CNGB1: variants seen among roughly 807,000 people sequenced by gnomAD.
The protein encoded by CNGB1 is cyclic nucleotide gated channel subunit beta 1, also known as cyclic nucleotide-gated channel beta-1.
Under a neutral mutation model 151.7 loss-of-function variants are expected in CNGB1, and 126 were observed. The ratio of observed to expected loss-of-function variants is 0.83; its 90% CI spans 0.72 to 0.96. The LOEUF (loss-of-function observed/expected upper bound fraction) is 0.96, where lower values mean the gene tolerates loss of function less well. Among genes scored for constraint, CNGB1 ranks in the 40% least tolerant of loss-of-function variants. The probability of loss-of-function intolerance (pLI) is 0.00; values close to 1 mark genes in which losing one functional copy is unlikely to be tolerated. For synonymous variants in CNGB1, 623 were observed against 635.1 expected, an observed-to-expected ratio of 0.98 and a Z score of 0.29; for missense variants, 1,698 against 1,627.0, an observed-to-expected ratio of 1.04 and a Z score of -0.75.
chr16:57,919,179 T>C lies in CNGB1; in HGVS notation c.1877A>G (p.Tyr626Cys). ...GAACTTGCAGCAGAGCATGTCGCAA[T>C]AGTGCTCCTCTTCCACTGGCTCGGC... ...AEAEPVEEEH[Y>C]CDMLCCKFKH... The change falls in exon 20 of 33, where the codon TAT becomes TGT. Residue 626 changes from tyrosine (Y) to cysteine (C), a missense_variant. Coordinates refer to ENST00000251102, the MANE Select transcript of CNGB1 (RefSeq NM_001297.5). The C allele has an allele frequency of 6.2e-7, 1 of 1,614,204 alleles. No homozygotes were observed. The highest frequency in any genetic ancestry group is 8.5e-7 in the Non-Finnish European group (1 of 1,180,026).
At chr16:57,940,123 G>A (rs773542574) in intron 15 of CNGB1, 111 bp downstream of exon 15, 15 of 1,038,682 alleles carry the variant, frequency 1.4e-5, no homozygotes, top group Middle Eastern at 2.0e-4. Flanking sequence ...TCTGTCCTGC[G>A]GGCATCTTAC....
intron 31 of CNGB1, among the ~76,000 whole-genome samples, chr16:57,893,965 T>C (rs1388359454): frequency 6.6e-6 from 1 of 152,164 alleles, no homozygotes; most frequent in Admixed American, 6.5e-5. Flanking sequence ...CCAGACCTAT[T>C]GTGGGGTTCC....
chr16:57,898,904 A>C (rs1406050737), intron 29 of CNGB1, among the ~76,000 whole-genome samples: 1 of 152,196 alleles, frequency 6.6e-6, no homozygotes, highest in Non-Finnish European at 1.5e-5. Context: ...TCAGAATGTG[A>C]CCTTATTTGG....
intron 22 of CNGB1, 144 bp from the exon 23 acceptor site, chr16:57,915,479 T>A (rs1459341228): frequency 1.4e-6 from 1 of 705,584 alleles, no homozygotes; most frequent in Admixed American, 2.3e-5. Flanking sequence ...GGGCAGAAGG[T>A]GTCCCACCGA....
In CNGB1 at chr16:57,922,811, A is replaced by G. The variant is rs536736923; in HGVS notation, c.1643+462T>C. On this transcript the variant is annotated intron_variant, in intron 18 of 32. Coordinates refer to ENST00000251102, the MANE Select transcript of CNGB1 (RefSeq NM_001297.5). ...GGAGTTTGGAAAATGTGAACTCCCC[A>G]GGCCTACTGTCTGCAGCTCTGATCC... 1.9e-3 allele frequency among the ~76,000 whole-genome samples: 290 copies of G among 151,948 alleles called. 2 individuals carry two copies. The highest frequency in any genetic ancestry group is 6.9e-3 in the African/African-American group (284 of 41,440).
At position 57,902,236 on chromosome 16, in the gene CNGB1, A is replaced by AT. The variant is rs1960411746; in HGVS notation, c.2795-612dup. Among the ~76,000 whole-genome samples the AT allele has an allele frequency of 2.0e-5, 3 of 151,266 alleles. No homozygotes were observed. In the South Asian group the frequency reaches 6.3e-4, roughly 32 times the overall value. Reference sequence around the variant, plus strand: ...CAGGTGCCCACCACCACGCGGGCTAATTTTTTGTATTTTTAGTAGAAACGG... The same window carrying AT: ...CAGGTGCCCACCACCACGCGGGCTAATTTTTTTGTATTTTTAGTAGAAACGG... On this transcript the variant is annotated intron_variant, in intron 27 of 32. Transcript: ENST00000251102.
intron 15 of CNGB1, 108 bp from the exon 16 acceptor site, chr16:57,939,700 C>T: frequency 1.4e-6 from 2 of 1,463,966 alleles, no homozygotes; most frequent in East Asian, 2.3e-5. Flanking sequence ...CCCAGTTCTG[C>T]TTCTTGCCCT....
intron 12 of CNGB1, among the ~76,000 whole-genome samples, chr16:57,954,238 C>T (rs765759942): frequency 6.6e-6 from 1 of 152,166 alleles, no homozygotes; most frequent in Admixed American, 6.5e-5. Flanking sequence ...ATTGCCCCAC[C>T]TCATCACCAG....
At chr16:57,970,407 C>A (rs947295963) in intron 1 of CNGB1, among the ~76,000 whole-genome samples, 1 of 152,204 alleles carries the variant, frequency 6.6e-6, no homozygotes, top group African/African-American at 2.4e-5. Flanking sequence ...TAAGAATTTT[C>A]ATTATGTAGC....
At chr16:57,896,039 G>C (rs1415665559) in intron 31 of CNGB1, among the ~76,000 whole-genome samples, 2 of 152,136 alleles carry the variant, frequency 1.3e-5, no homozygotes, top group Non-Finnish European at 2.9e-5. Context: ...ATCAAGGAGG[G>C]AGTGGAGTTA....
intron 21 of CNGB1, 115 bp downstream of exon 21, chr16:57,917,153 G>C (rs1214883827): frequency 2.3e-6 from 2 of 884,288 alleles, no homozygotes; most frequent in African/African-American, 3.3e-5. Context: ...CCGTTCTTGA[G>C]ATTTCCTTAT....
chr16:57,962,834 G>A lies in CNGB1; in HGVS notation c.412+8C>T. On this transcript the variant is annotated splice_region_variant and intron_variant, in intron 6 of 32. Transcript: ENST00000251102. ...CTGCTGAAAAGCCATCCTGCCCCTT[G>A]TTCTTACCTGTGTCCCCAGTGCTGC... 1.2e-6 allele frequency: 2 copies of A among 1,612,706 alleles called. No individual in the cohort carries two copies. The highest frequency in any genetic ancestry group is 1.7e-6 in the Non-Finnish European group (2 of 1,179,996).
intron 2 of CNGB1, among the ~76,000 whole-genome samples, chr16:57,965,307 A>G (rs1474009895): frequency 6.6e-6 from 1 of 152,218 alleles, no homozygotes; most frequent in Non-Finnish European, 1.5e-5. Flanking sequence ...ATACATGTGT[A>G]TGTACATATG....
At chr16:57,922,847 G>A (rs1213540022) in intron 18 of CNGB1, among the ~76,000 whole-genome samples, 1 of 151,404 alleles carries the variant, frequency 6.6e-6, no homozygotes. Flanking sequence ...AGCGCAGCCA[G>A]GTAGGGCCAG....
chr16:57,958,741 A>G (rs1962156937), intron 10 of CNGB1, among the ~76,000 whole-genome samples: 1 of 122,388 alleles, frequency 8.2e-6, no homozygotes, highest in Non-Finnish European at 1.6e-5. Context: ...AAGGGAGTGC[A>G]CTTTGGGCAT....
chr16:57,894,270 A>G (rs1310086794), intron 31 of CNGB1, among the ~76,000 whole-genome samples: 1 of 152,214 alleles, frequency 6.6e-6, no homozygotes, highest in Non-Finnish European at 1.5e-5. Context: ...AAGAATCTAC[A>G]GCATGCCATA....
At chr16:57,925,227 T>C (rs1961152504) in intron 17 of CNGB1, among the ~76,000 whole-genome samples, 1 of 151,922 alleles carries the variant, frequency 6.6e-6, no homozygotes, top group Non-Finnish European at 1.5e-5. Context: ...AGTCTCAATC[T>C]CCCAACCTCA....
At chr16:57,894,094 C>T (rs1353894369) in intron 31 of CNGB1, among the ~76,000 whole-genome samples, 8 of 152,094 alleles carry the variant, frequency 5.3e-5, no homozygotes, top group Non-Finnish European at 1.0e-4. Flanking sequence ...CGGATGCACA[C>T]GGTTATTCGT....
rs1198878757 is a variant in CNGB1, at chr16:57,903,923, T to C, written c.2693A>G (p.Asp898Gly). The change falls in exon 27 of 33, where the codon GAC (aspartate) becomes GGC (glycine). Residue 898 changes from aspartate to glycine, a missense_variant. Coordinates refer to ENST00000251102, the MANE Select transcript of CNGB1 (RefSeq NM_001297.5). ...GAAATTCATGTACTTCACCGTGCTG[T>C]CCATGCAGCTGCGGTAGTAGGTCTG... ...AGQTYYRSCM[D>G]STVKYMNFYK... is the part of the protein sequence containing the mutation. 1.9e-6 allele frequency: 3 copies of C among 1,614,092 alleles called. No individual in the cohort carries two copies. Among genetic ancestry groups the C allele is most frequent in the African/African-American group, 1.3e-5 (1 of 75,056 alleles).
Sources: allele counts gnomAD v4.1 joint callset (sites outside exome capture counted in the v4.1 genomes callset), GRCh38; gene constraint gnomAD v4.1.1; transcripts MANE v1.5; gene names NCBI Gene and HGNC (gene_info 2026-07-23, HGNC 2026-07-21).